Variants in RIMS1 observed in about 807,000 individuals in gnomAD.
The protein encoded by RIMS1 is regulating synaptic membrane exocytosis 1.
RIMS1 carries 83 observed loss-of-function variants against 214.1 expected under a neutral mutation model. The observed-to-expected ratio is 0.39, with a 90% CI of 0.32 to 0.47. RIMS1 has a LOEUF of 0.47. Among genes scored for constraint, RIMS1 ranks in the 20% least tolerant of loss-of-function variants. RIMS1 has a pLI of 0.99. For missense variants in RIMS1, 2,050 were observed against 2,161.8 expected, an observed-to-expected ratio of 0.95 and a Z score of 1.03; for synonymous variants, 793 against 786.8, an observed-to-expected ratio of 1.01 and a Z score of -0.13.
At chr6:72,226,206 G>A (rs147920064) in intron 6 of RIMS1, among the ~76,000 whole-genome samples, 1 of 152,086 alleles carries the variant, frequency 6.6e-6, no homozygotes, top group African/African-American at 2.4e-5. Context: ...TTTATCTAAG[G>A]CATTATAGCA....
intron 26 of RIMS1, among the ~76,000 whole-genome samples, 167 bp downstream of exon 26, chr6:72,292,213 A>C (rs1285208522): frequency 6.6e-6 from 1 of 152,156 alleles, no homozygotes; most frequent in Non-Finnish European, 1.5e-5. Flanking sequence ...ACAGTGGTTC[A>C]TGGCATGCAC....
chr6:72,098,633 ACC>A (rs2032649722), intron 3 of RIMS1, among the ~76,000 whole-genome samples: 1 of 151,896 alleles, frequency 6.6e-6, no homozygotes, highest in African/African-American at 2.4e-5. Flanking sequence ...GACTGTTACT[ACC>A]TCTGTGGCTT....
At chr6:72,264,323 A>G (rs942774247) in intron 19 of RIMS1, among the ~76,000 whole-genome samples, 2 of 152,212 alleles carry the variant, frequency 1.3e-5, no homozygotes, top group African/African-American at 4.8e-5. Flanking sequence ...CCGTTGGGCC[A>G]ATTTTCTGCC....
At chr6:71,990,373 C>T (rs1801228864) in intron 2 of RIMS1, among the ~76,000 whole-genome samples, 1 of 152,170 alleles carries the variant, frequency 6.6e-6, no homozygotes, top group Non-Finnish European at 1.5e-5. Context: ...GCTCCAAGGG[C>T]ATAATTTTAT....
chr6:72,008,061 G>T (rs142898131), intron 2 of RIMS1, among the ~76,000 whole-genome samples: 1 of 152,032 alleles, frequency 6.6e-6, no homozygotes, highest in African/African-American at 2.4e-5. Flanking sequence ...AAATGTTAAG[G>T]GTTGCCAGAG....
intron 2 of RIMS1, among the ~76,000 whole-genome samples, chr6:72,012,697 G>C (rs546921190): frequency 5.9e-5 from 9 of 152,260 alleles, no homozygotes; most frequent in Non-Finnish European, 1.3e-4. Flanking sequence ...TACACAGCAA[G>C]GTTATAATAA....
At chr6:72,006,991 C>T (rs6901857) in intron 2 of RIMS1, among the ~76,000 whole-genome samples, 21,037 of 152,162 alleles carry the variant, frequency 0.14, 1,496 homozygotes, top group South Asian at 0.18. Flanking sequence ...TCTCCCAGCA[C>T]GCAGCTGGAG....
At chr6:71,970,142 C>T (rs1795493573) in intron 2 of RIMS1, among the ~76,000 whole-genome samples, 1 of 152,020 alleles carries the variant, frequency 6.6e-6, no homozygotes, top group African/African-American at 2.4e-5. Flanking sequence ...TATCATCTTC[C>T]ACATTTAATC....
At chr6:71,955,479 G>A (rs571173127) in intron 1 of RIMS1, among the ~76,000 whole-genome samples, 1 of 152,064 alleles carries the variant, frequency 6.6e-6, no homozygotes, top group South Asian at 2.1e-4. Flanking sequence ...TGAACATTCT[G>A]GTACAAATCA....
chr6:71,924,629 G>A (rs1781007873), intron 1 of RIMS1, among the ~76,000 whole-genome samples: 3 of 109,928 alleles, frequency 2.7e-5, no homozygotes, highest in Admixed American at 1.8e-4. Flanking sequence ...CCCCATCTCT[G>A]CAAAAAAAAA....
intron 4 of RIMS1, among the ~76,000 whole-genome samples, chr6:72,124,640 C>A (rs1386987242): frequency 1.4e-5 from 2 of 147,606 alleles, no homozygotes; most frequent in Non-Finnish European, 3.1e-5. Context: ...TCATCTATTC[C>A]CATAATCCCA....
chr6:72,313,938 A>G (rs2095636276), intron 28 of RIMS1, among the ~76,000 whole-genome samples: 1 of 152,222 alleles, frequency 6.6e-6, no homozygotes. Context: ...CCTTTAGTCC[A>G]ACATCAGAAA....
chr6:72,057,610 C>A (rs1826649774), intron 2 of RIMS1, among the ~76,000 whole-genome samples: 1 of 151,684 alleles, frequency 6.6e-6, no homozygotes, highest in Non-Finnish European at 1.5e-5. Context: ...CAGGTTTACG[C>A]CATTCTCCTG....
chr6:72,035,547 C>T (rs1033624849), intron 2 of RIMS1, among the ~76,000 whole-genome samples: 9 of 152,092 alleles, frequency 5.9e-5, no homozygotes, highest in Non-Finnish European at 1.2e-4. Flanking sequence ...GATTCAGCCC[C>T]CATTTCTTCT....
intron 12 of RIMS1, among the ~76,000 whole-genome samples, chr6:72,248,755 G>A (rs1351460944): frequency 6.6e-6 from 1 of 152,144 alleles, no homozygotes; most frequent in Non-Finnish European, 1.5e-5. Context: ...CACAAATAAT[G>A]ACCTTTTGCT....
chr6:72,354,723 C>A (rs1564443243), intron 29 of RIMS1, among the ~76,000 whole-genome samples: 1 of 152,030 alleles, frequency 6.6e-6, no homozygotes. Context: ...TTTTATTCAC[C>A]TTGTATTTGT....
chr6:72,054,101 T>G (rs1825471281), intron 2 of RIMS1, among the ~76,000 whole-genome samples: 1 of 151,176 alleles, frequency 6.6e-6, no homozygotes, highest in Admixed American at 6.6e-5. Context: ...AAACTGGCCC[T>G]GGTATGTGTT....
At chr6:72,339,908 A>C (rs1225430618) in intron 29 of RIMS1, among the ~76,000 whole-genome samples, 4 of 151,988 alleles carry the variant, frequency 2.6e-5, no homozygotes, top group East Asian at 1.9e-4. Flanking sequence ...CCAACAGTGT[A>C]AAAGTGTTCC....
intron 23 of RIMS1, among the ~76,000 whole-genome samples, chr6:72,279,049 G>A (rs981727491): frequency 6.6e-6 from 1 of 151,982 alleles, no homozygotes; most frequent in South Asian, 2.1e-4. Flanking sequence ...TTATAAAATA[G>A]TCTTAAATAA....
Sources: allele counts gnomAD v4.1 joint callset (sites outside exome capture counted in the v4.1 genomes callset), GRCh38; gene constraint gnomAD v4.1.1; transcripts MANE v1.5; gene names NCBI Gene and HGNC (gene_info 2026-07-23, HGNC 2026-07-21).